The following ARVCF variants were observed in gnomAD, a reference collection of about 807,000 sequenced individuals.
The protein encoded by ARVCF is splicing regulator ARVCF.
In ARVCF, 66 loss-of-function variants were observed where a neutral mutation model predicts 90.9. The observed-to-expected ratio is 0.73, with a 90% CI of 0.60 to 0.89. The LOEUF is 0.89. Among genes scored for constraint, ARVCF ranks in the 40% least tolerant of loss-of-function variants. The pLI is 0.00. For missense variants in ARVCF, 1,469 were observed against 1,382.3 expected (o/e 1.06, Z -1.00); for synonymous variants, 653 against 603.4 (o/e 1.08, Z -1.21).
intron 3 of ARVCF, chr22:19,987,235 G>A: frequency 3.9e-6 from 1 of 258,522 alleles, no homozygotes; most frequent in Non-Finnish European, 7.3e-6. Flanking sequence ...GTCACGGCGA[G>A]CAGCCAATCG....
intron 3 of ARVCF, among the ~76,000 whole-genome samples, chr22:19,988,357 G>T (rs574465545): frequency 6.6e-6 from 1 of 152,198 alleles, no homozygotes; most frequent in East Asian, 1.9e-4. Flanking sequence ...CAGACACTGC[G>T]CCAAAAACGC....
intron 3 of ARVCF, chr22:19,986,630 C>G (rs1943783163): frequency 6.3e-6 from 1 of 158,970 alleles, no homozygotes; most frequent in East Asian, 1.8e-4. Flanking sequence ...GAGGAACCCT[C>G]TCAGGGAGCA....
At chr22:19,971,751 C>G (rs984844048) in intron 18 of ARVCF, 135 bp downstream of exon 18, 7 of 903,494 alleles carry the variant, frequency 7.7e-6, no homozygotes, top group Non-Finnish European at 1.2e-5. Context: ...GAAGGGGCTG[C>G]TTCCTGGGCT....
chr22:19,996,677 C>T (rs11089325), intron 2 of ARVCF, among the ~76,000 whole-genome samples: 7,279 of 152,312 alleles, frequency 0.048, 231 homozygotes, highest in Non-Finnish European at 0.07. Context: ...TCTACCACTC[C>T]TCGAAGCACG....
intron 8 of ARVCF, 113 bp from the exon 9 acceptor site, chr22:19,977,699 A>C: frequency 7.2e-7 from 1 of 1,390,010 alleles, no homozygotes; most frequent in Non-Finnish European, 9.6e-7. Flanking sequence ...AGGAACAGGG[A>C]GTCCTCAGTG....
chr22:19,979,309 C>T (rs541488425), intron 6 of ARVCF: 15 of 573,544 alleles, frequency 2.6e-5, no homozygotes, highest in Middle Eastern at 4.6e-4. Flanking sequence ...AGTGCTGTCC[C>T]GTCCCACCCA....
chr22:20,016,404 G>A (rs1945161298), intron 1 of ARVCF, among the ~76,000 whole-genome samples, 185 bp downstream of exon 1: 1 of 152,062 alleles, frequency 6.6e-6, no homozygotes, highest in Non-Finnish European at 1.5e-5. Context: ...ACAAGACGCG[G>A]GTGGGGCGGA....
Position 19,975,684 on chromosome 22 carries a change from A to AG in ARVCF, c.1960+1_1960+2insC. 6.2e-7 allele frequency: 1 copy of AG among 1,613,398 alleles called. No individual in the cohort carries two copies. The highest frequency in any genetic ancestry group is 1.1e-5 in the South Asian group (1 of 91,066). ...GAGCTGGCTTCATCTCAGCCCACTC[A>AG]CCTTTGGCGGCCTCAGTTCGCTTGG... On this transcript the variant is annotated splice_donor_variant, in intron 11 of 19. Transcript: ENST00000263207. LOFTEE classifies it high-confidence loss of function.
Position 19,978,408 on chromosome 22 carries a change from G to A in ARVCF, c.1581-333C>T, listed in dbSNP as rs117577780. ...GTGCAAGGGCAATTCTGGGTCCCTC[G>A]CCACCCCAATGGCAGCTCTGGGCCC... On this transcript the variant is annotated intron_variant, in intron 7 of 19. Transcript: ENST00000263207. Among the ~76,000 whole-genome samples the A allele has an allele frequency of 8.0e-4, 122 of 152,244 alleles. 1 individual carries two copies. The East Asian group carries it at 0.019, about 24-fold the overall frequency.
At chr22:20,001,185 A>AC (rs1037811791) in intron 2 of ARVCF, among the ~76,000 whole-genome samples, 4 of 151,866 alleles carry the variant, frequency 2.6e-5, no homozygotes, top group African/African-American at 9.7e-5. Flanking sequence ...GGCAAGGCAG[A>AC]CCCCCTCTGA....
At chr22:19,973,444 C>T in intron 13 of ARVCF, 127 bp from the exon 14 acceptor site, 2 of 1,344,250 alleles carry the variant, frequency 1.5e-6, no homozygotes, top group Non-Finnish European at 2.0e-6. Flanking sequence ...CAGGCGGTCA[C>T]AGGAGCCCCT....
intron 2 of ARVCF, among the ~76,000 whole-genome samples, chr22:20,007,066 C>A (rs980613655): frequency 1.3e-5 from 2 of 152,080 alleles, no homozygotes; most frequent in Admixed American, 1.3e-4. Flanking sequence ...CCAACCTGGG[C>A]AACATGGCAC....
intron 2 of ARVCF, among the ~76,000 whole-genome samples, chr22:20,003,298 C>A (rs1322248476): frequency 6.6e-6 from 1 of 152,156 alleles, no homozygotes; most frequent in African/African-American, 2.4e-5. Context: ...AATTTTAACA[C>A]CAATCGTCCT....
In ARVCF at chr22:19,986,443, G is replaced by C. The variant is rs528108925; in HGVS notation, c.210+4142C>G. On this transcript the variant is annotated intron_variant, in intron 3 of 19. Coordinates refer to ENST00000263207, the MANE Select transcript of ARVCF (RefSeq NM_001670.3). The stretch of plus-strand genomic sequence containing the variant: ...GCCTCCCCCCACCTCAATGCTGAGA[G>C]GGGGAGGATCCCGTTTTCCTTAGAG... Among the ~76,000 whole-genome samples, 4 of 152,322 alleles carry C rather than the reference G, an allele frequency of 2.6e-5. No individual in the cohort carries two copies. In the South Asian group the frequency reaches 8.3e-4, roughly 32 times the overall value.
chr22:19,998,069 G>A (rs1277806096), intron 2 of ARVCF, among the ~76,000 whole-genome samples: 1 of 152,342 alleles, frequency 6.6e-6, no homozygotes, highest in Non-Finnish European at 1.5e-5. Flanking sequence ...TGGGATCAGA[G>A]GCAGACAGCC....
At chr22:19,986,877 C>G (rs1206919791) in intron 3 of ARVCF, among the ~76,000 whole-genome samples, 2 of 152,138 alleles carry the variant, frequency 1.3e-5, no homozygotes, top group African/African-American at 4.8e-5. Flanking sequence ...CCTGCATACC[C>G]GGGGGCACCG....
intron 16 of ARVCF, 72 bp from the exon 17 acceptor site, chr22:19,972,483 G>T: frequency 5.1e-6 from 8 of 1,580,102 alleles, no homozygotes; most frequent in South Asian, 1.1e-5. Flanking sequence ...GCCCACACAG[G>T]GCTGGCCCAG....
At chr22:19,978,638 G>A (rs898619876) in intron 7 of ARVCF, among the ~76,000 whole-genome samples, 14 of 152,140 alleles carry the variant, frequency 9.2e-5, no homozygotes, top group African/African-American at 3.1e-4. Context: ...GTCAAGTGAT[G>A]GGAAGGTAGG....
chr22:19,973,458 A>G (rs1003251926), intron 13 of ARVCF, 141 bp from the exon 14 acceptor site: 1 of 1,327,800 alleles, frequency 7.5e-7, no homozygotes, highest in Non-Finnish European at 1.0e-6. Flanking sequence ...AGCCCCTGTG[A>G]GCAGGGCGCT....
Sources: allele counts gnomAD v4.1 joint callset (sites outside exome capture counted in the v4.1 genomes callset), GRCh38; gene constraint gnomAD v4.1.1; transcripts MANE v1.5; gene names NCBI Gene and HGNC (gene_info 2026-07-23, HGNC 2026-07-21).